Variants in LRP1B observed in about 807,000 individuals in gnomAD.
The protein encoded by LRP1B is LDL receptor related protein 1B.
A neutral mutation model predicts 556.6 loss-of-function variants in LRP1B; 217 were observed. That is an observed-to-expected ratio of 0.39 (90% CI 0.35 to 0.44). LRP1B has a LOEUF of 0.44. Among genes scored for constraint, LRP1B ranks in the 20% least tolerant of loss-of-function variants. The pLI is 1.00. For synonymous variants in LRP1B, 2,047 were observed against 1,865.8 expected, an observed-to-expected ratio of 1.10 and a Z score of -2.50; for missense variants, 5,053 against 5,620.8, an observed-to-expected ratio of 0.90 and a Z score of 3.23.
chr2:140,249,251 T>G (rs187840090), intron 86 of LRP1B, among the ~76,000 whole-genome samples: 1 of 151,798 alleles, frequency 6.6e-6, no homozygotes, highest in Non-Finnish European at 1.5e-5. Context: ...TTTTAATAAT[T>G]TATAAAGTAA....
At chr2:141,767,297 T>G (rs891116356) in intron 2 of LRP1B, among the ~76,000 whole-genome samples, 8 of 152,002 alleles carry the variant, frequency 5.3e-5, no homozygotes, top group Non-Finnish European at 1.2e-4. Context: ...GTTGCATGAG[T>G]CACCATTTTT....
At chr2:140,430,876 C>T (rs1344215675) in intron 66 of LRP1B, among the ~76,000 whole-genome samples, 2 of 152,200 alleles carry the variant, frequency 1.3e-5, no homozygotes, top group East Asian at 1.9e-4. Context: ...CCCTTTCCTA[C>T]ACATCAAGCT....
chr2:141,976,628 T>C (rs1701895690), intron 1 of LRP1B, among the ~76,000 whole-genome samples: 2 of 152,124 alleles, frequency 1.3e-5, no homozygotes, highest in Admixed American at 1.3e-4. Flanking sequence ...ATATAGTGAT[T>C]CCCAAGTATT....
intron 2 of LRP1B, among the ~76,000 whole-genome samples, chr2:141,599,049 CCCCG>C (rs1559166919): frequency 0.24 from 1,571 of 6,502 alleles, 42 homozygotes; most frequent in Middle Eastern, 0.36. Context: ...TTCAACTCCC[CCCCG>C]CCCCCCCCCC....
intron 41 of LRP1B, among the ~76,000 whole-genome samples, chr2:140,697,702 A>G (rs549825988): frequency 6.6e-6 from 1 of 152,274 alleles, no homozygotes; most frequent in Non-Finnish European, 1.5e-5. Context: ...CAAATACATG[A>G]TGATTCCACT....
At chr2:141,658,578 G>C (rs1003361914) in intron 2 of LRP1B, among the ~76,000 whole-genome samples, 6 of 152,154 alleles carry the variant, frequency 3.9e-5, no homozygotes, top group Admixed American at 2.0e-4. Context: ...TTACCTGTCG[G>C]GTGAATGCAG....
intron 9 of LRP1B, among the ~76,000 whole-genome samples, chr2:141,057,009 A>G (rs1699195098): frequency 6.6e-6 from 1 of 151,894 alleles, no homozygotes; most frequent in Non-Finnish European, 1.5e-5. Context: ...CTAATGTATC[A>G]GAAAATCCTA....
intron 3 of LRP1B, among the ~76,000 whole-genome samples, chr2:141,279,684 A>G (rs1008171050): frequency 6.6e-6 from 1 of 152,058 alleles, no homozygotes; most frequent in Admixed American, 6.6e-5. Flanking sequence ...GGAACAAGCT[A>G]TCCTCTCAAC....
intron 77 of LRP1B, among the ~76,000 whole-genome samples, chr2:140,345,879 A>ATATATATATAT (rs1426120597): frequency 5.7e-4 from 78 of 137,434 alleles, no homozygotes; most frequent in Non-Finnish European, 6.2e-4. Flanking sequence ...TATATATATA[A>ATATATATATAT]AAAAAATAGC....
rs558078928 is a variant in LRP1B, at chr2:140,505,912, A to T, written c.8521+884T>A. On this transcript the variant is annotated intron_variant, in intron 53 of 90. Transcript: ENST00000389484. ...AAACATTAAGTTCACATTACAGTTA[A>T]ACTTCAACTGAGCATTTTTAATATA... is the stretch of plus-strand genomic sequence containing the variant. Among the ~76,000 whole-genome samples the T allele has an allele frequency of 1.4e-3, 214 of 152,344 alleles. 3 individuals are homozygous for T. Among genetic ancestry groups the T allele is most frequent in the Non-Finnish European group, 1.9e-3 (131 of 68,032 alleles).
intron 1 of LRP1B, among the ~76,000 whole-genome samples, chr2:141,909,864 A>C (rs1452541736): frequency 6.6e-6 from 1 of 152,000 alleles, no homozygotes. Flanking sequence ...AATCTAATTA[A>C]AAATTCTTAT....
intron 31 of LRP1B, among the ~76,000 whole-genome samples, chr2:140,832,793 C>T (rs1391535199): frequency 6.6e-6 from 1 of 151,968 alleles, no homozygotes; most frequent in African/African-American, 2.4e-5. Context: ...TACAAAAGTA[C>T]AGTTAGAAAG....
intron 41 of LRP1B, among the ~76,000 whole-genome samples, chr2:140,695,730 T>C (rs1199639941): frequency 1.3e-5 from 2 of 152,196 alleles, no homozygotes; most frequent in African/African-American, 4.8e-5. Context: ...TGATTCTTCA[T>C]AGGAAAAGTG....
intron 84 of LRP1B, among the ~76,000 whole-genome samples, chr2:140,282,512 A>T (rs1682959203): frequency 6.6e-6 from 1 of 151,786 alleles, no homozygotes; most frequent in African/African-American, 2.4e-5. Flanking sequence ...ACAAATCTAC[A>T]AAGTGATTTG....
At chr2:142,069,437 T>C (rs1705230719) in intron 1 of LRP1B, among the ~76,000 whole-genome samples, 1 of 151,398 alleles carries the variant, frequency 6.6e-6, no homozygotes, top group African/African-American at 2.4e-5. Context: ...CTTTGAATGA[T>C]GACTTCAGAA....
intron 3 of LRP1B, among the ~76,000 whole-genome samples, chr2:141,341,572 C>A (rs907219825): frequency 3.5e-4 from 54 of 152,140 alleles, no homozygotes; most frequent in Non-Finnish European, 2.8e-4. Context: ...TGGAAACTGG[C>A]CAGATGTTAA....
rs375585057 is a variant in LRP1B, at chr2:140,440,743, A to ATGTGTGTGTGTGTGTGTGTGTGTGTG, written c.10414+1760_10414+1761insCACACACACACACACACACACACACA. On this transcript the variant is annotated intron_variant, in intron 66 of 90. Coordinates refer to ENST00000389484, the MANE Select transcript of LRP1B (RefSeq NM_018557.3). ...CCTCCATCCTTGTCCCTCTGTATGT[A>ATGTGTGTGTGTGTGTGTGTGTGTGTG]TGTGTGTGTGTGTGTGTACACACAC... Among the ~76,000 whole-genome samples, 464 of 150,584 alleles carry ATGTGTGTGTGTGTGTGTGTGTGTGTG rather than the reference A, an allele frequency of 3.1e-3. 2 individuals carry two copies. The highest frequency in any genetic ancestry group is 7.0e-3 in the African/African-American group (285 of 41,006).
intron 1 of LRP1B, among the ~76,000 whole-genome samples, chr2:141,883,021 A>G (rs1437270368): frequency 2.0e-5 from 3 of 152,140 alleles, no homozygotes; most frequent in African/African-American, 7.2e-5. Flanking sequence ...CTTATGGTTA[A>G]ATTAGTTGGA....
intron 89 of LRP1B, among the ~76,000 whole-genome samples, chr2:140,237,296 T>C (rs1680752428): frequency 6.6e-6 from 1 of 151,104 alleles, no homozygotes; most frequent in African/African-American, 2.4e-5. Context: ...ATTTCATATA[T>C]GACAATATCA....
Sources: allele counts gnomAD v4.1 joint callset (sites outside exome capture counted in the v4.1 genomes callset), GRCh38; gene constraint gnomAD v4.1.1; transcripts MANE v1.5; gene names NCBI Gene and HGNC (gene_info 2026-07-23, HGNC 2026-07-21).